The following PRKAB1 variants were observed in gnomAD, a reference collection of about 807,000 sequenced individuals.
PRKAB1 encodes the protein protein kinase AMP-activated non-catalytic subunit beta 1, also known as 5'-AMP-activated protein kinase subunit beta-1.
A neutral mutation model predicts 32.0 loss-of-function variants in PRKAB1; 18 were observed. The observed-to-expected ratio is 0.56, with a 90% confidence interval of 0.39 to 0.83. The LOEUF (loss-of-function observed/expected upper bound fraction) is 0.83, where lower values mean the gene tolerates loss of function less well. Ranked by LOEUF, PRKAB1 falls within the 40% of genes least tolerant of loss-of-function variation. The pLI, the probability that PRKAB1 is intolerant of heterozygous loss-of-function variation, is 0.00. For missense variants in PRKAB1, 263 were observed against 352.6 expected (o/e 0.75, Z 2.03); for synonymous variants, 141 against 141.4 (o/e 1.00, Z 0.02).
At chr12:119,675,787 G>A (rs1955419932) in intron 4 of PRKAB1, among the ~76,000 whole-genome samples, 1 of 152,310 alleles carries the variant, frequency 6.6e-6, no homozygotes, top group South Asian at 2.1e-4. Flanking sequence ...GCAGAGCTGG[G>A]GCATAGCAGA....
At chr12:119,676,705 G>A (rs376760058) in intron 5 of PRKAB1, 35 bp downstream of exon 5, 736 of 1,605,658 alleles carry the variant, frequency 4.6e-4, no homozygotes, top group Non-Finnish European at 5.9e-4. Flanking sequence ...ACCATCCGCC[G>A]TGGGTCATGT....
chr12:119,676,923 C>T (rs539517340), intron 5 of PRKAB1, among the ~76,000 whole-genome samples: 59 of 152,378 alleles, frequency 3.9e-4, no homozygotes, highest in Non-Finnish European at 7.1e-4. Flanking sequence ...AGTCTAAGCC[C>T]TGTTCAATTT....
Position 119,679,796 on chromosome 12 carries a change from C to T in PRKAB1, c.667-137C>T, listed in dbSNP as rs1167742037. 1 of 898,350 alleles carries T rather than the reference C, an allele frequency of 1.1e-6. No homozygotes were observed. Among genetic ancestry groups the T allele is most frequent in the East Asian group, 2.5e-5 (1 of 39,320 alleles). 55.6% of individuals were successfully genotyped at this position (898,350 alleles called of 1,614,324 possible). A position where few individuals can be genotyped will look rare whatever the true frequency, so the allele number is the denominator to read the frequency against. On this transcript the variant is annotated intron_variant, in intron 5 of 6. Transcript: ENST00000229328. The surrounding 1 kb of genome is among the most constrained non-coding windows in gnomAD (Gnocchi z 4.1). ...TCTCACCTGTCGTCTTGGACAAGCC[C>T]TTGCGCTGCCTGATTTGGGAAGAGA...
intron 1 of PRKAB1, chr12:119,671,770 T>C (rs1171105848): frequency 5.7e-5 from 9 of 159,218 alleles, no homozygotes; most frequent in African/African-American, 2.2e-4. Context: ...GTTATTCTAC[T>C]GAATACTGTA....
chr12:119,669,845 G>C (rs1012686699), intron 1 of PRKAB1: 4 of 152,210 alleles, frequency 2.6e-5, no homozygotes, highest in Non-Finnish European at 5.9e-5. Flanking sequence ...AAAGTGCTGC[G>C]ATTACAGGCA....
At chr12:119,672,629 G>T (rs1955396579) in intron 2 of PRKAB1, among the ~76,000 whole-genome samples, 165 bp downstream of exon 2, 1 of 150,942 alleles carries the variant, frequency 6.6e-6, no homozygotes, top group Non-Finnish European at 1.5e-5. Context: ...AACCTTGGTG[G>T]TCTCTAGGTT....
chr12:119,676,299 G>A (rs1211349642), intron 4 of PRKAB1, among the ~76,000 whole-genome samples: 4 of 152,136 alleles, frequency 2.6e-5, no homozygotes, highest in African/African-American at 4.8e-5. Context: ...TGGCTGGGCC[G>A]TGTCTTCCAC....
intron 5 of PRKAB1, among the ~76,000 whole-genome samples, chr12:119,677,104 C>G (rs550184974): frequency 2.6e-4 from 40 of 152,242 alleles, no homozygotes; most frequent in Non-Finnish European, 4.8e-4. Context: ...GAAATTATTA[C>G]ATGCAGAAAA....
At chr12:119,668,942 T>A (rs1955362363) in intron 1 of PRKAB1, among the ~76,000 whole-genome samples, 1 of 152,010 alleles carries the variant, frequency 6.6e-6, no homozygotes, top group Non-Finnish European at 1.5e-5. Context: ...CCCTACTTAT[T>A]TTTTAAAAGA....
rs994672254 is a variant in PRKAB1 at position 119,680,500 on chromosome 12, G to A, written c.*175G>A. The A allele has an allele frequency of 1.3e-5, 9 of 666,986 alleles. No individual in the cohort carries two copies. The highest frequency in any genetic ancestry group is 4.1e-4 in the Middle Eastern group (1 of 2,446). The allele number at this position is 666,986 out of a possible 1,614,324, so 41.3% of individuals were successfully genotyped here. On this transcript the variant is annotated 3_prime_UTR_variant, in exon 7 of 7. Transcript: ENST00000229328. ...GTCCAGGCAGAGCAGCTCCTGCAGC[G>A]CCTCGGTCTGTGACAGTCCTCCTAG...
Position 119,680,644 on chromosome 12 carries a change from A to C in PRKAB1, c.*319A>C. ...AGGCTGGGTGCAGTTCTAAACCTAC[A>C]TTCTCGATTTTTCTTAAGCCAAAAA... On this transcript the variant is annotated 3_prime_UTR_variant, in exon 7 of 7. Coordinates refer to ENST00000229328, the MANE Select transcript of PRKAB1 (RefSeq NM_006253.5). The C allele has an allele frequency of 6.9e-6, 2 of 289,376 alleles. No homozygotes were observed. Among genetic ancestry groups the C allele is most frequent in the Non-Finnish European group, 1.3e-5 (2 of 154,286 alleles). The allele number at this position is 289,376 out of a possible 1,614,324, so 17.9% of individuals were successfully genotyped here. A position where few individuals can be genotyped will look rare whatever the true frequency, so the allele number is the denominator to read the frequency against.
intron 5 of PRKAB1, chr12:119,678,015 C>T (rs927366861): frequency 1.9e-4 from 29 of 152,184 alleles, no homozygotes; most frequent in African/African-American, 6.8e-4. Context: ...CCACCCGCCT[C>T]GGCCTCCCAA....
intron 2 of PRKAB1, among the ~76,000 whole-genome samples, chr12:119,672,976 C>G (rs571351561): frequency 6.6e-6 from 1 of 152,362 alleles, no homozygotes; most frequent in South Asian, 2.1e-4. Context: ...TGCCTATGAT[C>G]TCAGCACTTT....
intron 1 of PRKAB1, chr12:119,669,362 G>T (rs1329222626): frequency 2.0e-5 from 3 of 150,138 alleles, no homozygotes; most frequent in Non-Finnish European, 4.4e-5. Context: ...CCGCCTCCTA[G>T]GTTCACGCCA....
intron 2 of PRKAB1, among the ~76,000 whole-genome samples, chr12:119,672,895 G>A (rs1955397941): frequency 6.6e-6 from 1 of 152,208 alleles, no homozygotes; most frequent in Admixed American, 6.5e-5. Context: ...TCATCTCTGA[G>A]GTTTCATCTA....
rs947663520 is a variant in PRKAB1 at position 119,673,849 on chromosome 12, C to T, written c.324-115C>T. The T allele has an allele frequency of 3.8e-6, 3 of 785,400 alleles. No individual in the cohort carries two copies. In the African/African-American group the frequency reaches 5.2e-5, roughly 14 times the overall value. The allele number at this position is 785,400 out of a possible 1,614,324, so 48.7% of individuals were successfully genotyped here. On this transcript the variant is annotated intron_variant, in intron 2 of 6. Transcript: ENST00000229328. ...AAATGGGCTAAAAATGTTTGTTCTC[C>T]TGCAGCTGAACTCTTGGTTTTATGT...
At position 119,681,233 on chromosome 12, in the gene PRKAB1, C is replaced by T. The variant is rs978660977; in HGVS notation, c.*908C>T. 6.6e-6 allele frequency: 1 copy of T among 152,222 alleles called. No homozygotes were observed. The highest frequency in any genetic ancestry group is 2.4e-5 in the African/African-American group (1 of 41,454). 9.4% of individuals were successfully genotyped at this position (152,222 alleles called of 1,614,324 possible). Reference sequence around the variant, plus strand: ...ATCACACAGCGTGATTTTACAAGGTCCCGTGGCACCTTGCTCAGGACCTCT... The same window carrying T: ...ATCACACAGCGTGATTTTACAAGGTTCCGTGGCACCTTGCTCAGGACCTCT... On this transcript the variant is annotated 3_prime_UTR_variant, in exon 7 of 7. Transcript: ENST00000229328.
chr12:119,672,451 C>T lies in PRKAB1; in HGVS notation c.310C>T (p.Pro104Ser). 1 of 1,584,974 alleles carries T rather than the reference C, an allele frequency of 6.3e-7. No individual in the cohort carries two copies. Among genetic ancestry groups the T allele is most frequent in the Non-Finnish European group, 8.6e-7 (1 of 1,163,978 alleles). The change falls in exon 2 of 7, where the codon CCC becomes TCC. Residue 104 changes from proline (P) to serine (S), a missense_variant. By Grantham distance (74) the Pro-to-Ser change is moderately conservative (BLOSUM62 -1). Coordinates refer to ENST00000229328, the MANE Select transcript of PRKAB1 (RefSeq NM_006253.5). ...GTCCTTCAACAACTGGAGTAAACTT[C>T]CCCTCACCAGAAGGTAATTGCCTGG... ...SGSFNNWSKLPLTRSHNNFVA... is the reference protein window; with the variant it reads ...SGSFNNWSKLSLTRSHNNFVA...
rs1955450341 is a variant in PRKAB1 at position 119,679,725 on chromosome 12, G to A, written c.667-208G>A. Reference sequence around the variant, plus strand: ...CCAGAGACACACACCGATGCCTCCAGCAGGCATGCAGGGAGCTCCCTTCAG... The same window carrying A: ...CCAGAGACACACACCGATGCCTCCAACAGGCATGCAGGGAGCTCCCTTCAG... On this transcript the variant is annotated intron_variant, in intron 5 of 6. Transcript: ENST00000229328. The surrounding 1 kb of genome is among the most constrained non-coding windows in gnomAD (Gnocchi z 4.1). 1.7e-6 allele frequency: 1 copy of A among 576,920 alleles called. No homozygotes were observed. The highest frequency in any genetic ancestry group is 3.2e-6 in the Non-Finnish European group (1 of 317,388). 35.7% of individuals were successfully genotyped at this position (576,920 alleles called of 1,614,324 possible).
Sources: gnomAD v4.1 joint callset for allele counts (sites outside exome capture counted in the v4.1 genomes callset) on GRCh38, gnomAD v4.1.1 for gene constraint, Gnocchi (gnomAD v3.1) non-coding constraint, MANE v1.5 for transcripts, NCBI Gene and HGNC (gene_info 2026-07-23, HGNC 2026-07-21) for gene names.